The following IKZF2 variants were observed in gnomAD, a reference collection of about 807,000 sequenced individuals.
The protein encoded by IKZF2 is zinc finger protein Helios.
A neutral mutation model predicts 49.2 loss-of-function variants in IKZF2; 15 were observed. The ratio of observed to expected loss-of-function variants is 0.30; its 90% confidence interval spans 0.20 to 0.47. IKZF2 has a LOEUF of 0.47. Among genes scored for constraint, IKZF2 ranks in the 20% least tolerant of loss-of-function variants. The probability of loss-of-function intolerance (pLI) is 1.00; values close to 1 mark genes in which losing one functional copy is unlikely to be tolerated. For synonymous variants in IKZF2, 227 were observed against 221.4 expected (o/e 1.03, Z -0.23); for missense variants, 567 against 664.6 (o/e 0.85, Z 1.61).
intron 1 of IKZF2, chr2:213,150,457 C>CTCCTCCTCCTCCTCCTCCTCG (rs1364376082): frequency 1.4e-5 from 3 of 214,578 alleles, no homozygotes; most frequent in Non-Finnish European, 2.7e-5. Context: ...GAACACCCCC[C>CTCCTCCTCCTCCTCCTCCTCG]TCCTCCTCCT....
chr2:213,113,955 C>T (rs115211811), intron 4 of IKZF2, among the ~76,000 whole-genome samples: 162 of 152,306 alleles, frequency 1.1e-3, no homozygotes, highest in African/African-American at 3.8e-3. Context: ...TCTCCCACTG[C>T]AACTGCAATC....
At position 213,065,041 on chromosome 2, in the gene IKZF2, A is replaced by T. The variant is rs1275807221; in HGVS notation, c.140-7942T>A. Reference sequence around the variant, plus strand: ...ATATCCTTCAGCCATATGTCCTATGAGTCTTTTAGTTACTCATGCCTTTTC... The same window carrying T: ...ATATCCTTCAGCCATATGTCCTATGTGTCTTTTAGTTACTCATGCCTTTTC... On this transcript the variant is annotated intron_variant, in intron 4 of 8. Transcript: ENST00000434687. 2.6e-5 allele frequency among the ~76,000 whole-genome samples: 4 copies of T among 151,854 alleles called. No individual in the cohort carries two copies. The East Asian group carries it at 7.7e-4, about 29-fold the overall frequency.
intron 4 of IKZF2, among the ~76,000 whole-genome samples, chr2:213,136,787 A>G (rs1265768250): frequency 1.3e-5 from 2 of 152,198 alleles, no homozygotes; most frequent in Non-Finnish European, 2.9e-5. Context: ...TCCCAAAGTC[A>G]ACTATATCAA....
intron 4 of IKZF2, among the ~76,000 whole-genome samples, chr2:213,122,387 G>C (rs1241528811): frequency 6.6e-6 from 1 of 152,164 alleles, no homozygotes; most frequent in Non-Finnish European, 1.5e-5. Context: ...ATCAGAATTA[G>C]AGTCGCAGGC....
intron 4 of IKZF2, among the ~76,000 whole-genome samples, chr2:213,131,348 A>G (rs1448433909): frequency 6.6e-6 from 1 of 152,190 alleles, no homozygotes; most frequent in Non-Finnish European, 1.5e-5. Flanking sequence ...CATTAGAATT[A>G]CATGTCATTT....
At chr2:213,071,993 T>C (rs1029027644) in intron 4 of IKZF2, among the ~76,000 whole-genome samples, 2 of 152,100 alleles carry the variant, frequency 1.3e-5, no homozygotes, top group Non-Finnish European at 2.9e-5. Flanking sequence ...CATCATTAGA[T>C]ACAAGATCGC....
chr2:213,046,957 T>C (rs537866701), intron 6 of IKZF2, among the ~76,000 whole-genome samples: 1 of 152,206 alleles, frequency 6.6e-6, no homozygotes, highest in East Asian at 1.9e-4. Flanking sequence ...CTGATTTAAC[T>C]ACCACCACTG....
chr2:213,008,110 A>AG, intron 8 of IKZF2, 26 bp from the exon 9 acceptor site: 1 of 1,498,648 alleles, frequency 6.7e-7, no homozygotes, highest in Non-Finnish European at 8.9e-7. Flanking sequence ...AGGTGAAAGA[A>AG]GTAAAAAAAA....
In IKZF2 at chr2:213,007,520, T is replaced by C. The variant is rs1265070643; in HGVS notation, c.1421A>G (p.Glu474Gly). ...EGEQIRAFKC[E>G]HCRVLFLDHV... Reference sequence around the variant, plus strand: ...GTCTAGGAAAAGGACTCGGCAGTGCTCACACTTGAAGGCCCTAATCTGTTC... The same window carrying C: ...GTCTAGGAAAAGGACTCGGCAGTGCCCACACTTGAAGGCCCTAATCTGTTC... The change falls in exon 9 of 9, where the codon GAG (glutamate) becomes GGG (glycine). Residue 474 changes from glutamate to glycine, a missense_variant. Physicochemically the swap from Glu to Gly is moderately conservative, Grantham distance 98. Around this residue, in one of 5 missense-constraint regions of IKZF2, gnomAD observed 22 missense variants for 52.3 expected, o/e 0.42. Transcript: ENST00000434687. 1.2e-6 allele frequency: 2 copies of C among 1,613,714 alleles called. No homozygotes were observed. Among genetic ancestry groups the C allele is most frequent in the Admixed American group, 1.7e-5 (1 of 59,968 alleles).
chr2:213,071,544 A>C (rs557496621), intron 4 of IKZF2, among the ~76,000 whole-genome samples: 1 of 152,262 alleles, frequency 6.6e-6, no homozygotes, highest in Non-Finnish European at 1.5e-5. Flanking sequence ...AAGATACAGT[A>C]ACAATCAAGC....
chr2:213,065,902 T>G (rs566956888), intron 4 of IKZF2, among the ~76,000 whole-genome samples: 59 of 152,108 alleles, frequency 3.9e-4, no homozygotes, highest in Non-Finnish European at 6.3e-4. Flanking sequence ...TGTTTTTTAC[T>G]CCACAGTGGA....
Position 213,013,948 on chromosome 2 carries a change from T to A in IKZF2, c.713-14A>T. 6.2e-7 allele frequency: 1 copy of A among 1,607,124 alleles called. No homozygotes were observed. Among genetic ancestry groups the A allele is most frequent in the Non-Finnish European group, 8.5e-7 (1 of 1,175,700 alleles). The stretch of plus-strand genomic sequence containing the variant: ...CCATAGGAGGTACTATACAAAACCA[T>A]AGAAAAATGCAATCTGATAATTTCT... On this transcript the variant is annotated splice_polypyrimidine_tract_variant and intron_variant, in intron 7 of 8. Transcript: ENST00000434687.
At chr2:213,064,751 C>T (rs1199093175) in intron 4 of IKZF2, among the ~76,000 whole-genome samples, 1 of 147,312 alleles carries the variant, frequency 6.8e-6, no homozygotes, top group Non-Finnish European at 1.5e-5. Flanking sequence ...TCTGTTTTTG[C>T]ATCTTCTTGG....
chr2:213,078,113 T>A (rs1415898752), intron 4 of IKZF2, among the ~76,000 whole-genome samples: 1 of 151,830 alleles, frequency 6.6e-6, no homozygotes, highest in Non-Finnish European at 1.5e-5. Flanking sequence ...GTAAACAGAT[T>A]ATGTGTCCTT....
chr2:213,130,791 A>G (rs1008493036), intron 4 of IKZF2, among the ~76,000 whole-genome samples: 4 of 152,222 alleles, frequency 2.6e-5, no homozygotes, highest in African/African-American at 9.6e-5. Context: ...TCACAGAACC[A>G]TACGCCAAGC....
At chr2:213,149,785 C>A (rs527486979) in intron 2 of IKZF2, among the ~76,000 whole-genome samples, 220 of 131,812 alleles carry the variant, frequency 1.7e-3, no homozygotes, top group African/African-American at 5.5e-3. Context: ...TTACCCCCCC[C>A]CCAAAAAAAA....
intron 3 of IKZF2, among the ~76,000 whole-genome samples, chr2:213,148,299 T>C (rs1296261365): frequency 1.3e-5 from 2 of 152,196 alleles, no homozygotes; most frequent in East Asian, 1.9e-4. Flanking sequence ...AATAGACATA[T>C]ATGAAACCTG....
rs576130905 is a variant in IKZF2 at position 213,057,247 on chromosome 2, A to ATACTG, written c.140-153_140-149dup. 714 of 725,748 alleles carry ATACTG rather than the reference A, an allele frequency of 9.8e-4. 15 individuals carry two copies. In the South Asian group the frequency reaches 0.014, roughly 14 times the overall value. The allele number at this position is 725,748 out of a possible 1,614,324, so 45.0% of individuals were successfully genotyped here. On this transcript the variant is annotated intron_variant, in intron 4 of 8. Transcript: ENST00000434687. ...TCATCATCGAATGCCATGTTAATACATACTGTGTTCTATGATATTTTAGTG... is the reference window on the plus strand; with the variant it reads ...TCATCATCGAATGCCATGTTAATACATACTGTACTGTGTTCTATGATATTTTAGTG...
rs557241749 is a variant in IKZF2, at chr2:213,053,114, C to G, written c.407-3234G>C. ...ATTTTAAGAAAATCTCACAAATTTA[C>G]TAACTACATTAATGGAGCAATCCAA... On this transcript the variant is annotated intron_variant, in intron 5 of 8. Transcript: ENST00000434687. Among the ~76,000 whole-genome samples, 110 of 152,170 alleles carry G rather than the reference C, an allele frequency of 7.2e-4. 1 individual carries two copies. The highest frequency in any genetic ancestry group is 3.0e-3 in the Admixed American group (46 of 15,272).
Sources: gnomAD v4.1 joint callset for allele counts (sites outside exome capture counted in the v4.1 genomes callset) on GRCh38, gnomAD v4.1.1 for gene constraint, gnomAD v4.1.1 regional missense constraint, MANE v1.5 for transcripts, NCBI Gene and HGNC (gene_info 2026-07-23, HGNC 2026-07-21) for gene names.